Variants in CNTFR observed in about 807,000 individuals in gnomAD.
CNTFR encodes ciliary neurotrophic factor receptor subunit alpha.
In CNTFR, 12 loss-of-function variants were observed where a neutral mutation model predicts 40.4. The observed-to-expected ratio is 0.30, with a 90% CI of 0.19 to 0.48. The LOEUF is 0.48. Ranked by LOEUF, CNTFR falls within the 20% of genes least tolerant of loss-of-function variation. The pLI, the probability that CNTFR is intolerant of heterozygous loss-of-function variation, is 0.99. For synonymous variants in CNTFR, 202 were observed against 209.6 expected, an observed-to-expected ratio of 0.96 and a Z score of 0.31; for missense variants, 414 against 506.8, an observed-to-expected ratio of 0.82 and a Z score of 1.76.
At chr9:34,576,004 C>T (rs970490571) in intron 2 of CNTFR, among the ~76,000 whole-genome samples, 11 of 152,062 alleles carry the variant, frequency 7.2e-5, no homozygotes, top group Non-Finnish European at 1.3e-4. Flanking sequence ...CGTGCACACA[C>T]GTGCTCACAC....
intron 1 of CNTFR, among the ~76,000 whole-genome samples, chr9:34,584,460 G>A (rs2132264511): frequency 6.6e-6 from 1 of 152,270 alleles, no homozygotes; most frequent in South Asian, 2.1e-4. Context: ...TGCCACACTG[G>A]CCCACGCCAG....
intron 4 of CNTFR, among the ~76,000 whole-genome samples, chr9:34,561,702 C>A (rs1826083980): frequency 6.6e-6 from 1 of 152,212 alleles, no homozygotes. Flanking sequence ...GAATGACCCA[C>A]AAATCAGGGG....
chr9:34,577,862 G>A (rs1419912159), intron 2 of CNTFR, among the ~76,000 whole-genome samples: 7 of 152,070 alleles, frequency 4.6e-5, no homozygotes, highest in Non-Finnish European at 8.8e-5. Context: ...CAGCTTGGCA[G>A]GGGGAGCGCG....
intron 2 of CNTFR, among the ~76,000 whole-genome samples, chr9:34,575,519 T>C (rs558601549): frequency 2.0e-5 from 3 of 151,916 alleles, no homozygotes; most frequent in Non-Finnish European, 4.4e-5. Context: ...CAAGGATGGA[T>C]AGAATGGCTT....
intron 2 of CNTFR, among the ~76,000 whole-genome samples, chr9:34,571,756 C>T (rs1348997103): frequency 4.6e-5 from 7 of 151,930 alleles, no homozygotes. Context: ...AAGACAGACA[C>T]TGCAGGGTTG....
At chr9:34,581,704 A>G (rs752827775) in intron 1 of CNTFR, among the ~76,000 whole-genome samples, 3 of 152,236 alleles carry the variant, frequency 2.0e-5, no homozygotes, top group Non-Finnish European at 2.9e-5. Flanking sequence ...TCCATGAGGT[A>G]GGTTTTATTG....
At chr9:34,560,006 T>C (rs1454517663) in intron 4 of CNTFR, among the ~76,000 whole-genome samples, 1 of 152,214 alleles carries the variant, frequency 6.6e-6, no homozygotes, top group East Asian at 1.9e-4. Context: ...GGGGGCTGAC[T>C]GGAGGCTTTG....
Position 34,589,122 on chromosome 9 carries a change from A to G in CNTFR, c.-112+433T>C, listed in dbSNP as rs1314780641. Among the ~76,000 whole-genome samples the G allele has an allele frequency of 2.0e-5, 3 of 152,064 alleles. No homozygotes were observed. The highest frequency in any genetic ancestry group is 2.9e-5 in the Non-Finnish European group (2 of 67,990). ...ACACACATGCACTGGCAGACGCGCA[A>G]CCGTCGGTTCGCATCCCCGGGCGCT... On this transcript the variant is annotated intron_variant, in intron 1 of 9. Transcript: ENST00000378980. The surrounding 1 kb of genome is among the most constrained non-coding windows in gnomAD (Gnocchi z 4.4).
rs570963464 is a variant in CNTFR at position 34,551,856 on chromosome 9, G to A, written c.*215C>T. On this transcript the variant is annotated 3_prime_UTR_variant, in exon 10 of 10. Transcript: ENST00000378980. The stretch of plus-strand genomic sequence containing the variant: ...CTTTGGTGGGTGGGTTAGCTGCATG[G>A]CCCACCTCCCCTGAGGGAGGAAGGA... 14 of 663,820 alleles carry A rather than the reference G, an allele frequency of 2.1e-5. No individual in the cohort carries two copies. The highest frequency in any genetic ancestry group is 2.0e-4 in the South Asian group (12 of 58,936). The allele number at this position is 663,820 out of a possible 1,614,324, so 41.1% of individuals were successfully genotyped here.
intron 4 of CNTFR, among the ~76,000 whole-genome samples, chr9:34,559,273 G>A (rs907784500): frequency 1.3e-5 from 2 of 152,184 alleles, no homozygotes; most frequent in African/African-American, 4.8e-5. Flanking sequence ...GATTGCGTGT[G>A]CGTGTCCAGT....
intron 3 of CNTFR, among the ~76,000 whole-genome samples, chr9:34,567,193 T>C (rs1826344346): frequency 6.6e-6 from 1 of 151,796 alleles, no homozygotes. Flanking sequence ...TTGGGGTTCT[T>C]GGCCCTGAAG....
Position 34,552,776 on chromosome 9 carries a change from T to C in CNTFR, c.847A>G (p.Lys283Glu), listed in dbSNP as rs749193615. 4 of 1,613,880 alleles carry C rather than the reference T, an allele frequency of 2.5e-6. No individual in the cohort carries two copies. Among genetic ancestry groups the C allele is most frequent in the Non-Finnish European group, 3.4e-6 (4 of 1,179,920 alleles). ...CTCCATGTCCCAATCTCATTGTCCT[T>C]GGCTGCCACCTGGATAATGTACTCC... ...GKEYIIQVAA[K>E]DNEIGTWSDW... is the part of the protein sequence containing the mutation. The change falls in exon 8 of 10, where the codon AAG (lysine) becomes GAG (glutamate). Residue 283 changes from lysine to glutamate, a missense_variant. Physicochemically the swap from Lys to Glu is moderately conservative, Grantham distance 56. Coordinates refer to ENST00000378980, the MANE Select transcript of CNTFR (RefSeq NM_147164.3). This position sits in a 1 kb window ranked among gnomAD's most constrained non-coding sequence, Gnocchi z 5.1.
At chr9:34,582,276 C>CAAAAAAAAAAAAAA (rs10601840) in intron 1 of CNTFR, 17 of 126,540 alleles carry the variant, frequency 1.3e-4, no homozygotes, top group African/African-American at 4.3e-4. Context: ...AACCCTATGG[C>CAAAAAAAAAAAAAA]AAAAAAAAAA....
intron 7 of CNTFR, among the ~76,000 whole-genome samples, chr9:34,555,115 C>G (rs969906557): frequency 1.3e-5 from 2 of 152,226 alleles, no homozygotes; most frequent in African/African-American, 4.8e-5. Context: ...CCGCGACGCG[C>G]GGGGCTGCTG....
upstream of CNTFR, chr9:34,589,801 C>A (rs928674618): frequency 6.7e-6 from 1 of 149,090 alleles, no homozygotes; most frequent in Non-Finnish European, 1.5e-5. The surrounding 1 kb of genome is among the most constrained non-coding windows in gnomAD (Gnocchi z 4.4). Flanking sequence ...CTCCTTCTCT[C>A]GCCCATGTGA....
At chr9:34,570,907 C>G (rs1029266032) in intron 2 of CNTFR, among the ~76,000 whole-genome samples, 1 of 152,186 alleles carries the variant, frequency 6.6e-6, no homozygotes, top group Non-Finnish European at 1.5e-5. Context: ...TTTTGCTACC[C>G]TTGACCCTCT....
rs557716428 is a variant in CNTFR at position 34,589,038 on chromosome 9, C to T, written c.-112+517G>A. Among the ~76,000 whole-genome samples the T allele has an allele frequency of 6.6e-6, 1 of 152,180 alleles. No homozygotes were observed. Among genetic ancestry groups the T allele is most frequent in the African/African-American group, 2.4e-5 (1 of 41,488 alleles). Reference sequence around the variant, plus strand: ...CGGACTGAAGAGAAAACCATGGGGACGCCGACCGACACACACATGCACACA... The same window carrying T: ...CGGACTGAAGAGAAAACCATGGGGATGCCGACCGACACACACATGCACACA... On this transcript the variant is annotated intron_variant, in intron 1 of 9. Coordinates refer to ENST00000378980, the MANE Select transcript of CNTFR (RefSeq NM_147164.3). The surrounding 1 kb of genome is among the most constrained non-coding windows in gnomAD (Gnocchi z 4.4).
At chr9:34,565,414 G>A (rs776919922) in intron 3 of CNTFR, among the ~76,000 whole-genome samples, 4 of 151,074 alleles carry the variant, frequency 2.6e-5, no homozygotes, top group Non-Finnish European at 4.4e-5. Context: ...CCTTTCCTCT[G>A]CCTTCCCAGC....
rs116910362 is a variant in CNTFR, at chr9:34,583,051, A to T, written c.-111-1846T>A. ...CAGCAATTTCATCTGATTAATAATA[A>T]ATGCCCCATAATTACAGCCGCTCCC... On this transcript the variant is annotated intron_variant, in intron 1 of 9. Transcript: ENST00000378980. Among the ~76,000 whole-genome samples the T allele has an allele frequency of 5.4e-3, 817 of 152,256 alleles. 9 individuals are homozygous for T. Among genetic ancestry groups the T allele is most frequent in the Non-Finnish European group, 7.4e-3 (503 of 68,030 alleles).
Sources: allele counts gnomAD v4.1 joint callset (sites outside exome capture counted in the v4.1 genomes callset), GRCh38; gene constraint gnomAD v4.1.1; non-coding constraint Gnocchi (gnomAD v3.1); transcripts MANE v1.5; gene names NCBI Gene and HGNC (gene_info 2026-07-23, HGNC 2026-07-21).